ADCY1: variants seen among roughly 807,000 people sequenced by gnomAD.
ADCY1 encodes adenylate cyclase type 1.
Under a neutral mutation model 105.4 loss-of-function variants are expected in ADCY1, and 28 were observed. The observed-to-expected ratio is 0.27, with a 90% CI of 0.20 to 0.36. The LOEUF (loss-of-function observed/expected upper bound fraction) is 0.36, where lower values mean the gene tolerates loss of function less well. Ranked by LOEUF, ADCY1 falls within the 10% of genes least tolerant of loss-of-function variation. ADCY1 has a pLI of 1.00. For missense variants in ADCY1, 977 were observed against 1,434.2 expected (o/e 0.68, Z 5.15); for synonymous variants, 655 against 623.8 (o/e 1.05, Z -0.75).
intron 11 of ADCY1, chr7:45,680,759 A>T (rs747165920): frequency 3.9e-5 from 6 of 152,392 alleles, no homozygotes; most frequent in Middle Eastern, 3.4e-3. Flanking sequence ...TTCAAGTGAA[A>T]GCAGGACAGA....
At chr7:45,678,457 G>A (rs781172531) in intron 10 of ADCY1, among the ~76,000 whole-genome samples, 194 bp downstream of exon 10, 10 of 152,164 alleles carry the variant, frequency 6.6e-5, no homozygotes, top group Non-Finnish European at 1.3e-4. Flanking sequence ...CAAGTCAGTA[G>A]TGTAACAAGC....
At chr7:45,638,459 A>G (rs1423630447) in intron 4 of ADCY1, among the ~76,000 whole-genome samples, 1 of 149,036 alleles carries the variant, frequency 6.7e-6, no homozygotes, top group Non-Finnish European at 1.5e-5. Context: ...AAAGTTCAAA[A>G]TTGGAATGAC....
intron 12 of ADCY1, 32 bp downstream of exon 12, chr7:45,685,100 G>A: frequency 6.3e-7 from 1 of 1,578,040 alleles, no homozygotes; most frequent in Non-Finnish European, 8.7e-7. Flanking sequence ...CATGCGCTGG[G>A]GCGGGAGAGG....
rs751028489 is a variant in ADCY1 at position 45,713,712 on chromosome 7, G to A, written c.3077G>A (p.Arg1026Gln). Residue 1026 changes from arginine to glutamine, a missense_variant, in exon 20 of 20, where the codon CGG becomes CAG. By Grantham distance (43) the Arg-to-Gln change is conservative. Around this residue, in one of 7 missense-constraint regions of ADCY1, gnomAD observed 78 missense variants for 60.0 expected, o/e 1.30. Coordinates refer to ENST00000297323, the MANE Select transcript of ADCY1 (RefSeq NM_021116.4). The part of the protein sequence containing the change: ...GRIQVTEEVH[R>Q]LLRRCPYHFV... ...CAACAGGTGACTGAGGAAGTCCACC[G>A]GCTGCTGAGAAGGTGCCCCTACCAC... 7 of 780,324 alleles carry A rather than the reference G, an allele frequency of 9.0e-6. No homozygotes were observed. The highest frequency in any genetic ancestry group is 8.5e-5 in the African/African-American group (5 of 59,158). 48.3% of individuals were successfully genotyped at this position (780,324 alleles called of 1,614,324 possible).
At chr7:45,692,688 G>A (rs1180187947) in intron 14 of ADCY1, among the ~76,000 whole-genome samples, 4 of 152,180 alleles carry the variant, frequency 2.6e-5, no homozygotes, top group East Asian at 1.9e-4. Context: ...TGTCCTCACC[G>A]CCCCCATCCC....
chr7:45,590,218 AC>A (rs533840293), intron 1 of ADCY1, among the ~76,000 whole-genome samples: 12 of 151,562 alleles, frequency 7.9e-5, no homozygotes, highest in Admixed American at 3.3e-4. Flanking sequence ...CTATGTCCCC[AC>A]CCCCCCATGG....
At position 45,660,320 on chromosome 7, in the gene ADCY1, G is replaced by A; in HGVS notation, c.1449+137G>A. On this transcript the variant is annotated intron_variant, in intron 7 of 19. Coordinates refer to ENST00000297323, the MANE Select transcript of ADCY1 (RefSeq NM_021116.4). ...TGAACTTGCTAAGATGGGGAGAGTTGTCCCCACTGACACCGTCCTGAGCCT... is the reference window on the plus strand; with the variant it reads ...TGAACTTGCTAAGATGGGGAGAGTTATCCCCACTGACACCGTCCTGAGCCT... The A allele has an allele frequency of 3.2e-6, 4 of 1,237,056 alleles. No individual in the cohort carries two copies. In the Middle Eastern group the frequency reaches 5.9e-4, roughly 183 times the overall value. The allele number at this position is 1,237,056 out of a possible 1,614,324, so 76.6% of individuals were successfully genotyped here. A position where few individuals can be genotyped will look rare whatever the true frequency, so the allele number is the denominator to read the frequency against.
intron 2 of ADCY1, among the ~76,000 whole-genome samples, chr7:45,598,630 C>T (rs1011098463): frequency 2.2e-4 from 33 of 151,944 alleles, no homozygotes; most frequent in African/African-American, 8.0e-4. Context: ...TGTGAGTTAC[C>T]AAAGATGATC....
At chr7:45,604,837 A>G (rs1793331988) in intron 2 of ADCY1, among the ~76,000 whole-genome samples, 1 of 152,160 alleles carries the variant, frequency 6.6e-6, no homozygotes, top group Admixed American at 6.5e-5. Flanking sequence ...GTGTTAGAAT[A>G]ATTTTGTCTA....
chr7:45,610,776 GTGT>G (rs1793530394), intron 3 of ADCY1, among the ~76,000 whole-genome samples: 1 of 146,758 alleles, frequency 6.8e-6, no homozygotes, highest in African/African-American at 2.5e-5. Flanking sequence ...GATAGTGGAG[GTGT>G]GGGGGTGATG....
chr7:45,697,763 A>G (rs555646865), intron 14 of ADCY1, among the ~76,000 whole-genome samples: 2 of 152,238 alleles, frequency 1.3e-5, no homozygotes, highest in African/African-American at 4.8e-5. Context: ...GCCTCCAACT[A>G]CTATGTTGAC....
chr7:45,598,954 C>A (rs1793146856), intron 2 of ADCY1, among the ~76,000 whole-genome samples: 1 of 152,188 alleles, frequency 6.6e-6, no homozygotes, highest in Non-Finnish European at 1.5e-5. Context: ...CTTCTTGGTG[C>A]CGAAGTGGAT....
intron 2 of ADCY1, among the ~76,000 whole-genome samples, chr7:45,597,465 G>A (rs1308135266): frequency 1.3e-5 from 2 of 152,198 alleles, no homozygotes; most frequent in East Asian, 3.9e-4. Context: ...GGCTTATGAT[G>A]CCAGTGTTGG....
At chr7:45,652,877 A>C (rs899455698) in intron 5 of ADCY1, among the ~76,000 whole-genome samples, 3 of 152,176 alleles carry the variant, frequency 2.0e-5, no homozygotes, top group African/African-American at 7.2e-5. Flanking sequence ...GAGCCACAGC[A>C]TCCAAAGGCC....
At chr7:45,663,843 T>A (rs1373139874) in intron 8 of ADCY1, among the ~76,000 whole-genome samples, 1 of 151,774 alleles carries the variant, frequency 6.6e-6, no homozygotes, top group African/African-American at 2.4e-5. Context: ...AAAAGAAAAT[T>A]ATTCAGTGAC....
intron 4 of ADCY1, among the ~76,000 whole-genome samples, chr7:45,646,791 T>A (rs986968603): frequency 6.6e-6 from 1 of 152,124 alleles, no homozygotes; most frequent in Non-Finnish European, 1.5e-5. Context: ...GCTAAGTAGT[T>A]GTCACAGTCA....
intron 2 of ADCY1, among the ~76,000 whole-genome samples, chr7:45,601,991 G>A (rs1793251629): frequency 1.3e-5 from 2 of 152,134 alleles, no homozygotes; most frequent in Admixed American, 1.3e-4. Context: ...AGGGCTTCAG[G>A]AGGTGGCCTT....
intron 14 of ADCY1, among the ~76,000 whole-genome samples, chr7:45,702,972 G>A (rs1351240701): frequency 6.6e-6 from 1 of 152,218 alleles, no homozygotes; most frequent in Non-Finnish European, 1.5e-5. Flanking sequence ...TGCCCCACCT[G>A]GGTGTGAGGC....
chr7:45,597,574 G>A (rs1006699938), intron 2 of ADCY1, among the ~76,000 whole-genome samples: 6 of 152,308 alleles, frequency 3.9e-5, no homozygotes, highest in Admixed American at 2.0e-4. Context: ...ACAGACACTA[G>A]GAGCTTTCTC....
Sources: gnomAD v4.1 joint callset for allele counts (sites outside exome capture counted in the v4.1 genomes callset) on GRCh38, gnomAD v4.1.1 for gene constraint, gnomAD v4.1.1 regional missense constraint, MANE v1.5 for transcripts, NCBI Gene and HGNC (gene_info 2026-07-23, HGNC 2026-07-21) for gene names.